DPYD: variants seen among roughly 807,000 people sequenced by gnomAD.
DPYD encodes dihydropyrimidine dehydrogenase, also known as dihydropyrimidine dehydrogenase [NADP(+)].
Under a neutral mutation model 116.2 loss-of-function variants are expected in DPYD, and 109 were observed. That is an observed-to-expected ratio of 0.94 (90% CI 0.80 to 1.10). DPYD has a LOEUF of 1.10. Among genes scored for constraint, DPYD ranks in the 50% least tolerant of loss-of-function variants. DPYD has a pLI of 0.00. For missense variants in DPYD, 1,302 were observed against 1,254.5 expected (o/e 1.04, Z -0.57); for synonymous variants, 440 against 432.0 (o/e 1.02, Z -0.23).
In DPYD at chr1:97,612,975, A is replaced by T. The variant is rs75476220; in HGVS notation, c.851-17809T>A. 6.4e-3 allele frequency among the ~76,000 whole-genome samples: 981 copies of T among 152,136 alleles called. 2 individuals carry two copies. The highest frequency in any genetic ancestry group is 0.036 in the East Asian group (187 of 5,174). On this transcript the variant is annotated intron_variant, in intron 8 of 22. Transcript: ENST00000370192. ...CTTACTGATTATTATAGAGTTTTGA[A>T]TAATCTAGAATGAATGTTATCCATC...
chr1:97,642,659 C>G (rs1481367228), intron 8 of DPYD, among the ~76,000 whole-genome samples: 1 of 141,936 alleles, frequency 7.0e-6, no homozygotes, highest in Non-Finnish European at 1.5e-5. Context: ...CATGTTCTCA[C>G]TCATAGGTGG....
intron 13 of DPYD, among the ~76,000 whole-genome samples, chr1:97,458,250 C>G (rs1676807229): frequency 6.6e-6 from 1 of 151,814 alleles, no homozygotes; most frequent in Non-Finnish European, 1.5e-5. Flanking sequence ...AAATCTCTGG[C>G]TCTACTCTAC....
At chr1:97,097,148 G>A (rs985755349) in intron 21 of DPYD, among the ~76,000 whole-genome samples, 1 of 152,144 alleles carries the variant, frequency 6.6e-6, no homozygotes, top group African/African-American at 2.4e-5. Context: ...CTCAAGAGAC[G>A]ATTTGGGGCT....
At chr1:97,208,690 G>C (rs1659832102) in intron 19 of DPYD, among the ~76,000 whole-genome samples, 1 of 151,998 alleles carries the variant, frequency 6.6e-6, no homozygotes. Context: ...TTAATTTATG[G>C]ACTAATCTTC....
chr1:97,215,325 G>A (rs916509324), intron 19 of DPYD, among the ~76,000 whole-genome samples: 1 of 152,168 alleles, frequency 6.6e-6, no homozygotes. Context: ...AAGCATTCAT[G>A]AATAAGGTGG....
intron 7 of DPYD, among the ~76,000 whole-genome samples, chr1:97,690,953 T>C (rs1307108080): frequency 6.6e-6 from 1 of 152,168 alleles, no homozygotes; most frequent in African/African-American, 2.4e-5. Flanking sequence ...GTATGAGTAG[T>C]TTGTTAATCA....
chr1:97,591,648 C>A (rs550129510), intron 10 of DPYD, among the ~76,000 whole-genome samples: 1 of 152,092 alleles, frequency 6.6e-6, no homozygotes, highest in African/African-American at 2.4e-5. Context: ...ATTGATATTG[C>A]CAATCAGTGT....
chr1:97,623,361 A>G (rs1161504427), intron 8 of DPYD, among the ~76,000 whole-genome samples: 1 of 152,100 alleles, frequency 6.6e-6, no homozygotes, highest in Non-Finnish European at 1.5e-5. Flanking sequence ...AGGCTGTTAA[A>G]TGTTCTCTTA....
chr1:97,128,069 T>C (rs1406696092), intron 20 of DPYD, among the ~76,000 whole-genome samples: 1 of 152,154 alleles, frequency 6.6e-6, no homozygotes, highest in Non-Finnish European at 1.5e-5. Context: ...TATTAGTATT[T>C]CTATTCTGTA....
chr1:97,206,687 T>A (rs5776355), intron 19 of DPYD, among the ~76,000 whole-genome samples: 5,061 of 70,990 alleles, frequency 0.071, 442 homozygotes, highest in East Asian at 0.13. Flanking sequence ...TATATATATA[T>A]AATCTATATG....
At chr1:97,132,114 A>T (rs1452949455) in intron 20 of DPYD, among the ~76,000 whole-genome samples, 2 of 152,158 alleles carry the variant, frequency 1.3e-5, no homozygotes, top group African/African-American at 4.8e-5. Context: ...CCACAAACAT[A>T]TTTTTAAAAA....
intron 20 of DPYD, among the ~76,000 whole-genome samples, chr1:97,178,236 T>G (rs986189092): frequency 6.6e-6 from 1 of 152,150 alleles, no homozygotes. Flanking sequence ...ACTACAGCAC[T>G]AGCTACTTGC....
intron 20 of DPYD, among the ~76,000 whole-genome samples, chr1:97,109,886 A>C (rs1464328834): frequency 1.3e-5 from 2 of 152,144 alleles, no homozygotes; most frequent in Non-Finnish European, 2.9e-5. Context: ...ATAATTAATT[A>C]GCATACATGT....
intron 11 of DPYD, among the ~76,000 whole-genome samples, chr1:97,565,417 A>C (rs921657139): frequency 3.9e-5 from 6 of 152,090 alleles, no homozygotes; most frequent in Non-Finnish European, 1.5e-5. Context: ...AAAATTCAAA[A>C]TCCCTACTTT....
chr1:97,883,851 A>G lies in DPYD; in HGVS notation c.40-477T>C, dbSNP rs141388232. 2.0e-3 allele frequency: 955 copies of G among 477,520 alleles called. 11 individuals are homozygous for G. Among genetic ancestry groups the G allele is most frequent in the African/African-American group, 0.017 (853 of 48,852 alleles). The allele number at this position is 477,520 out of a possible 1,614,324, so 29.6% of individuals were successfully genotyped here. A position where few individuals can be genotyped will look rare whatever the true frequency, so the allele number is the denominator to read the frequency against. ...AGGAATCACAAAAAAAAAAAGATAC[A>G]TGTAAATCAGAAGAATGACCCCAAA... On this transcript the variant is annotated intron_variant, in intron 1 of 22. Coordinates refer to ENST00000370192, the MANE Select transcript of DPYD (RefSeq NM_000110.4).
chr1:97,751,905 G>GGT (rs1282189479), intron 3 of DPYD, among the ~76,000 whole-genome samples: 1 of 151,754 alleles, frequency 6.6e-6, no homozygotes, highest in Non-Finnish European at 1.5e-5. Flanking sequence ...TGAGATCACA[G>GGT]GCCTGTGCCA....
intron 20 of DPYD, among the ~76,000 whole-genome samples, chr1:97,178,232 G>A (rs1223856620): frequency 6.6e-6 from 1 of 152,154 alleles, no homozygotes; most frequent in Non-Finnish European, 1.5e-5. Context: ...CTGCACTACA[G>A]CACTAGCTAC....
chr1:97,096,863 T>C (rs1650289422), intron 21 of DPYD, among the ~76,000 whole-genome samples: 1 of 152,166 alleles, frequency 6.6e-6, no homozygotes, highest in Non-Finnish European at 1.5e-5. Flanking sequence ...GGAATAAATC[T>C]TGCTGCTGCT....
chr1:97,192,459 T>G (rs752181769), intron 20 of DPYD, among the ~76,000 whole-genome samples: 1 of 152,168 alleles, frequency 6.6e-6, no homozygotes, highest in African/African-American at 2.4e-5. Flanking sequence ...GGTTATCTAT[T>G]TAGAATAATA....
Sources: allele counts gnomAD v4.1 joint callset (sites outside exome capture counted in the v4.1 genomes callset), GRCh38; gene constraint gnomAD v4.1.1; transcripts MANE v1.5; gene names NCBI Gene and HGNC (gene_info 2026-07-23, HGNC 2026-07-21).